The following HOMER1 variants were observed in gnomAD, a reference collection of about 807,000 sequenced individuals.
HOMER1 encodes the protein homer scaffold protein 1.
In HOMER1, 3 loss-of-function variants were observed where a neutral mutation model predicts 48.9. The ratio of observed to expected loss-of-function variants is 0.06; its 90% CI spans 0.03 to 0.16. The LOEUF is 0.16. HOMER1 is among the 10% of genes least tolerant of loss of function. The probability of loss-of-function intolerance (pLI) is 1.00; values close to 1 mark genes in which losing one functional copy is unlikely to be tolerated. For missense variants in HOMER1, 247 were observed against 411.4 expected, an observed-to-expected ratio of 0.60 and a Z score of 3.46; for synonymous variants, 134 against 146.4, an observed-to-expected ratio of 0.92 and a Z score of 0.61.
intron 8 of HOMER1, among the ~76,000 whole-genome samples, chr5:79,386,498 C>T (rs1016212400): frequency 6.6e-6 from 1 of 152,050 alleles, no homozygotes; most frequent in East Asian, 1.9e-4. Context: ...GAAAAAAGAT[C>T]GGTGAATGGC....
At chr5:79,495,352 C>T (rs1477907178) in intron 1 of HOMER1, among the ~76,000 whole-genome samples, 1 of 152,160 alleles carries the variant, frequency 6.6e-6, no homozygotes, top group Admixed American at 6.6e-5. Context: ...CATACATCTT[C>T]CCCTCCCCCA....
intron 5 of HOMER1, among the ~76,000 whole-genome samples, chr5:79,431,092 A>T (rs1750411468): frequency 6.6e-6 from 1 of 152,188 alleles, no homozygotes. Context: ...GCACTTTGGG[A>T]AGCCAAGGTG....
At chr5:79,441,448 G>A (rs956948783) in intron 4 of HOMER1, among the ~76,000 whole-genome samples, 4 of 152,128 alleles carry the variant, frequency 2.6e-5, no homozygotes, top group Non-Finnish European at 4.4e-5. Flanking sequence ...TAGAAAGACT[G>A]TTCCCAGGGG....
intron 1 of HOMER1, among the ~76,000 whole-genome samples, chr5:79,492,777 GAAGGA>G (rs1752315972): frequency 6.6e-6 from 1 of 151,900 alleles, no homozygotes; most frequent in African/African-American, 2.4e-5. Flanking sequence ...GTTCTTTATA[GAAGGA>G]AAGGGGCCGC....
At chr5:79,502,441 T>A (rs180820781) in intron 1 of HOMER1, among the ~76,000 whole-genome samples, 38 of 152,274 alleles carry the variant, frequency 2.5e-4, no homozygotes, top group Non-Finnish European at 2.8e-4. Context: ...AAACTTAATA[T>A]GTTCATTATA....
chr5:79,396,943 T>G, intron 7 of HOMER1, 40 bp from the exon 8 acceptor site: 1 of 1,132,736 alleles, frequency 8.8e-7, no homozygotes. Context: ...TCAAACTATA[T>G]CAAGGCAAGG....
chr5:79,468,006 T>C (rs1751523387), intron 1 of HOMER1, among the ~76,000 whole-genome samples: 5 of 152,158 alleles, frequency 3.3e-5, no homozygotes, highest in Admixed American at 3.3e-4. Flanking sequence ...ACTCCTGGGC[T>C]CATGCGATCC....
intron 5 of HOMER1, among the ~76,000 whole-genome samples, chr5:79,423,508 T>A (rs576502092): frequency 6.6e-6 from 1 of 152,312 alleles, no homozygotes; most frequent in East Asian, 1.9e-4. Flanking sequence ...ATTTTAATTA[T>A]GTGTGTGCAT....
intron 1 of HOMER1, among the ~76,000 whole-genome samples, chr5:79,468,696 T>G (rs1255910032): frequency 6.6e-6 from 1 of 152,220 alleles, no homozygotes; most frequent in Non-Finnish European, 1.5e-5. Flanking sequence ...TATGTTTTCT[T>G]GTGCACGCAC....
At chr5:79,454,815 T>C (rs749676250) in intron 2 of HOMER1, among the ~76,000 whole-genome samples, 3 of 152,192 alleles carry the variant, frequency 2.0e-5, no homozygotes, top group Admixed American at 6.5e-5. Context: ...CGCCTGATAA[T>C]AGTATTAACA....
At chr5:79,392,040 A>G (rs1202452011) in intron 8 of HOMER1, among the ~76,000 whole-genome samples, 2 of 152,284 alleles carry the variant, frequency 1.3e-5, no homozygotes, top group African/African-American at 4.8e-5. Context: ...TGATGCCGAT[A>G]TAAATAAATC....
intron 5 of HOMER1, among the ~76,000 whole-genome samples, chr5:79,417,275 TG>T (rs1379061246): frequency 6.6e-6 from 1 of 152,164 alleles, no homozygotes; most frequent in Non-Finnish European, 1.5e-5. Context: ...CCTGAGTAGC[TG>T]GGACTACAGG....
intron 1 of HOMER1, among the ~76,000 whole-genome samples, chr5:79,464,003 G>A (rs1436167064): frequency 6.6e-6 from 1 of 152,104 alleles, no homozygotes; most frequent in Non-Finnish European, 1.5e-5. Context: ...GTTGCTTCTG[G>A]GGATGGGGCT....
chr5:79,453,144 A>C (rs1292789712), intron 2 of HOMER1, among the ~76,000 whole-genome samples: 4 of 152,244 alleles, frequency 2.6e-5, no homozygotes, highest in Non-Finnish European at 5.9e-5. Flanking sequence ...GTAATCTCAG[A>C]CAGTAGTAAG....
intron 1 of HOMER1, among the ~76,000 whole-genome samples, chr5:79,483,227 T>C (rs560180481): frequency 7.9e-5 from 12 of 152,222 alleles, no homozygotes; most frequent in Admixed American, 2.0e-4. Context: ...AAAATAAGAA[T>C]GGCAGTTGAC....
At chr5:79,494,788 G>T (rs1017331245) in intron 1 of HOMER1, among the ~76,000 whole-genome samples, 1 of 152,224 alleles carries the variant, frequency 6.6e-6, no homozygotes, top group African/African-American at 2.4e-5. Flanking sequence ...AGAATCGATT[G>T]AACCCAGGAG....
At chr5:79,392,012 G>A (rs190491397) in intron 8 of HOMER1, among the ~76,000 whole-genome samples, 157 of 152,154 alleles carry the variant, frequency 1.0e-3, no homozygotes, top group African/African-American at 3.6e-3. Context: ...GCACAATGCC[G>A]TACTCATGTG....
At chr5:79,458,755 A>G (rs1265802073) in intron 1 of HOMER1, among the ~76,000 whole-genome samples, 3 of 152,196 alleles carry the variant, frequency 2.0e-5, no homozygotes, top group South Asian at 2.1e-4. Flanking sequence ...TTCTTGTTTA[A>G]CTGCCACTAT....
Position 79,396,983 on chromosome 5 carries a change from T to C in HOMER1, c.796-80A>G, listed in dbSNP as rs1335810754. ...GTCTTGTTTTTCCCTGAAATTATTG[T>C]TCTAGTTCTTAGAAAAAGATGATTT... is the stretch of plus-strand genomic sequence containing the variant. On this transcript the variant is annotated intron_variant, in intron 7 of 8. Coordinates refer to ENST00000334082, the MANE Select transcript of HOMER1 (RefSeq NM_004272.5). The C allele has an allele frequency of 4.1e-6, 3 of 728,440 alleles. No homozygotes were observed. In the African/African-American group the frequency reaches 5.4e-5, roughly 13 times the overall value. The allele number at this position is 728,440 out of a possible 1,614,324, so 45.1% of individuals were successfully genotyped here.
Sources: gnomAD v4.1 joint callset for allele counts (sites outside exome capture counted in the v4.1 genomes callset) on GRCh38, gnomAD v4.1.1 for gene constraint, MANE v1.5 for transcripts, NCBI Gene and HGNC (gene_info 2026-07-23, HGNC 2026-07-21) for gene names.